The following STK11 variants were observed in gnomAD, a reference collection of about 807,000 sequenced individuals.
STK11 encodes the protein serine/threonine-protein kinase STK11.
A neutral mutation model predicts 47.3 loss-of-function variants in STK11; 8 were observed. That is an observed-to-expected ratio of 0.17 (90% CI 0.10 to 0.31). The LOEUF (loss-of-function observed/expected upper bound fraction) is 0.31, where lower values mean the gene tolerates loss of function less well. STK11 is among the 10% of genes least tolerant of loss of function. The pLI is 1.00. For missense variants in STK11, 475 were observed against 605.0 expected, an observed-to-expected ratio of 0.79 and a Z score of 2.25; for synonymous variants, 330 against 255.8, an observed-to-expected ratio of 1.29 and a Z score of -2.77.
At chr19:1,221,389 G>A (rs2145427498) in intron 6 of STK11, 49 bp downstream of exon 6, 2 of 1,545,490 alleles carry the variant, frequency 1.3e-6, no homozygotes, top group Non-Finnish European at 1.7e-6. Context: ...CGGGGCTTTT[G>A]TGCAGAAATG....
intron 1 of STK11, among the ~76,000 whole-genome samples, chr19:1,216,818 C>A: frequency 6.8e-6 from 1 of 145,988 alleles, no homozygotes; most frequent in Admixed American, 6.9e-5. Flanking sequence ...GCCTGGGCGA[C>A]AGGGAAACCC....
chr19:1,221,678 G>A (rs553831114), intron 6 of STK11: 483 of 586,344 alleles, frequency 8.2e-4, no homozygotes, highest in African/African-American at 3.7e-3. Context: ...GGCACTGGCC[G>A]TCCGTCCATC....
intron 8 of STK11, chr19:1,225,817 G>T: frequency 2.0e-6 from 2 of 986,062 alleles, no homozygotes; most frequent in South Asian, 9.4e-5. Flanking sequence ...GGGACAGTAC[G>T]TGGGCAGCTT....
At position 1,206,721 on chromosome 19, in the gene STK11, C is replaced by T. The variant is rs561818770; in HGVS notation, c.-193C>T. 1.0e-5 allele frequency: 8 copies of T among 793,434 alleles called. No homozygotes were observed. In the East Asian group the frequency reaches 1.7e-4, roughly 17 times the overall value. The allele number at this position is 793,434 out of a possible 1,614,324, so 49.1% of individuals were successfully genotyped here. On this transcript the variant is annotated 5_prime_UTR_variant, in exon 1 of 10. Coordinates refer to ENST00000326873, the MANE Select transcript of STK11 (RefSeq NM_000455.5). ...AGACCCTGCACCGGGCTTGGACTCG[C>T]AGCCGGGACTGACGTGTAGAACAAT...
chr19:1,217,161 C>T (rs752687004), intron 1 of STK11, among the ~76,000 whole-genome samples: 1 of 152,072 alleles, frequency 6.6e-6, no homozygotes, highest in Non-Finnish European at 1.5e-5. Flanking sequence ...GCAGACGCTT[C>T]CACGCCCACC....
intron 7 of STK11, among the ~76,000 whole-genome samples, chr19:1,222,639 G>A (rs911321319): frequency 9.2e-5 from 14 of 152,094 alleles, no homozygotes; most frequent in Non-Finnish European, 1.9e-4. Context: ...GACTGGGGCT[G>A]CCCCCCGATA....
chr19:1,211,461 G>C (rs1005244319), intron 1 of STK11, among the ~76,000 whole-genome samples: 1 of 3,184 alleles, frequency 3.1e-4, no homozygotes, highest in East Asian at 4.7e-3. Context: ...GTGGGGTTCT[G>C]GGGGGGGGGG....
rs1170510440 is a variant in STK11, at chr19:1,226,676, G to A, written c.*16+13G>A. The A allele has an allele frequency of 2.2e-5, 33 of 1,485,492 alleles. No individual in the cohort carries two copies. The highest frequency in any genetic ancestry group is 2.7e-5 in the Non-Finnish European group (30 of 1,122,838). 92.0% of individuals were successfully genotyped at this position (1,485,492 alleles called of 1,614,324 possible). On this transcript the variant is annotated intron_variant, in intron 9 of 9. Coordinates refer to ENST00000326873, the MANE Select transcript of STK11 (RefSeq NM_000455.5). ...TGGCCGCCTGCAGGTGGGGCGCGGC[G>A]GGGCCCGGGTGGGGCATGTGGGGAC...
chr19:1,206,694 G>T lies in STK11; in HGVS notation c.-220G>T. 1 of 630,290 alleles carries T rather than the reference G, an allele frequency of 1.6e-6. No homozygotes were observed. The highest frequency in any genetic ancestry group is 2.4e-5 in the South Asian group (1 of 41,652). 39.0% of individuals were successfully genotyped at this position (630,290 alleles called of 1,614,324 possible). A position where few individuals can be genotyped will look rare whatever the true frequency, so the allele number is the denominator to read the frequency against. On this transcript the variant is annotated 5_prime_UTR_variant, in exon 1 of 10. Transcript: ENST00000326873. ...CCGGACCCCCGGTGCCCGCCGGTCC[G>T]CAGACCCTGCACCGGGCTTGGACTC...
In STK11 at chr19:1,216,689, G is replaced by A. The variant is rs531844632; in HGVS notation, c.291-1728G>A. ...CAAACGAGACCAGCCTGGGCAGCAC[G>A]GTGAAACTGTCTCTACTAAAATACA... On this transcript the variant is annotated intron_variant, in intron 1 of 9. Transcript: ENST00000326873. 7.9e-5 allele frequency among the ~76,000 whole-genome samples: 12 copies of A among 151,906 alleles called. No individual in the cohort carries two copies. In the South Asian group the frequency reaches 2.5e-3, roughly 32 times the overall value.
chr19:1,224,775 A>C, intron 8 of STK11: 1 of 985,590 alleles, frequency 1.0e-6, no homozygotes, highest in Middle Eastern at 5.2e-4. Flanking sequence ...AGGAGTACCC[A>C]GCAGGGGGAA....
chr19:1,219,683 T>A (rs942057759), intron 3 of STK11, among the ~76,000 whole-genome samples: 2 of 152,066 alleles, frequency 1.3e-5, no homozygotes, highest in African/African-American at 4.8e-5. Context: ...GTAGCTGGGA[T>A]TACAGGCGCC....
At chr19:1,227,110 A>G (rs1025591624) in intron 9 of STK11, 4 of 176,852 alleles carry the variant, frequency 2.3e-5, no homozygotes, top group Non-Finnish European at 4.8e-5. Context: ...GCTCTGAGCC[A>G]GCTGCCAAGT....
intron 1 of STK11, among the ~76,000 whole-genome samples, chr19:1,211,664 G>A (rs1006763821): frequency 1.4e-4 from 21 of 152,202 alleles, no homozygotes; most frequent in African/African-American, 4.3e-4. Flanking sequence ...CTGTGCTTTC[G>A]TATCTTTTCT....
chr19:1,218,186 G>A (rs1377926518), intron 1 of STK11, among the ~76,000 whole-genome samples: 2 of 151,054 alleles, frequency 1.3e-5, no homozygotes, highest in Middle Eastern at 3.2e-3. Context: ...CAAAGCCCTC[G>A]CCGGCCGATG....
At chr19:1,211,799 T>A (rs545670090) in intron 1 of STK11, among the ~76,000 whole-genome samples, 1 of 152,232 alleles carries the variant, frequency 6.6e-6, no homozygotes, top group Non-Finnish European at 1.5e-5. Context: ...TGGGCGGCAC[T>A]CAGTGTGCCT....
At chr19:1,220,207 T>G (rs2145423717) in intron 3 of STK11, 166 bp from the exon 4 acceptor site, 2 of 893,268 alleles carry the variant, frequency 2.2e-6, no homozygotes, top group East Asian at 5.6e-5. Context: ...CAGGCGCAGG[T>G]GTGGCTCCCT....
intron 1 of STK11, among the ~76,000 whole-genome samples, chr19:1,216,784 C>A: frequency 6.6e-6 from 1 of 150,484 alleles, no homozygotes; most frequent in Middle Eastern, 3.4e-3. Flanking sequence ...GGGAGGATCG[C>A]TTGAGCCTGG....
rs1199714976 is a variant in STK11 at position 1,227,838 on chromosome 19, G to T, written c.*262G>T. The T allele has an allele frequency of 1.8e-5, 19 of 1,071,042 alleles. No individual in the cohort carries two copies. Among genetic ancestry groups the T allele is most frequent in the Non-Finnish European group, 1.9e-5 (17 of 882,882 alleles). 66.3% of individuals were successfully genotyped at this position (1,071,042 alleles called of 1,614,324 possible). ...CCGGGCGGAGCCTTCCCGGGCGGGC[G>T]TGGGAGGAGGGAGGCGGCCTCCATG... On this transcript the variant is annotated 3_prime_UTR_variant, in exon 10 of 10. Transcript: ENST00000326873.
Sources: gnomAD v4.1 joint callset for allele counts (sites outside exome capture counted in the v4.1 genomes callset) on GRCh38, gnomAD v4.1.1 for gene constraint, MANE v1.5 for transcripts, NCBI Gene and HGNC (gene_info 2026-07-23, HGNC 2026-07-21) for gene names.